Variants in CCDC61 observed in about 807,000 individuals in gnomAD.
The protein encoded by CCDC61 is coiled-coil domain containing 61.
Under a neutral mutation model 63.0 loss-of-function variants are expected in CCDC61, and 55 were observed. The observed-to-expected ratio is 0.87, with a 90% CI of 0.70 to 1.09. The LOEUF (loss-of-function observed/expected upper bound fraction) is 1.09, where lower values mean the gene tolerates loss of function less well. Among genes scored for constraint, CCDC61 ranks in the 50% least tolerant of loss-of-function variants. The pLI is 0.00. For synonymous variants in CCDC61, 270 were observed against 317.0 expected (o/e 0.85, Z 1.58); for missense variants, 651 against 731.4 (o/e 0.89, Z 1.27).
At chr19:46,006,478 C>A in intron 3 of CCDC61, 81 bp from the exon 4 acceptor site, 1 of 1,348,642 alleles carries the variant, frequency 7.4e-7, no homozygotes, top group Non-Finnish European at 9.9e-7. Flanking sequence ...ACGGGAAGGG[C>A]TGTGGCCCAG....
At chr19:46,006,858 A>G (rs1176914692) in intron 4 of CCDC61, 142 bp downstream of exon 4, 2 of 741,122 alleles carry the variant, frequency 2.7e-6, no homozygotes, top group African/African-American at 1.7e-5. Flanking sequence ...TGGGGTTTGT[A>G]TCATTTAGTA....
At position 46,016,449 on chromosome 19, in the gene CCDC61, G is replaced by T; in HGVS notation, c.1091+56G>T. The T allele has an allele frequency of 1.3e-6, 2 of 1,586,038 alleles. No homozygotes were observed. Among genetic ancestry groups the T allele is most frequent in the Non-Finnish European group, 1.7e-6 (2 of 1,158,802 alleles). On this transcript the variant is annotated intron_variant, in intron 9 of 13. Transcript: ENST00000595358. The surrounding 1 kb of genome is among the most constrained non-coding windows in gnomAD (Gnocchi z 7.2). ...TGTCCCTGGCCCGTGCCCGCTCCCG[G>T]GCTCTCATCTCTCCACGCCACCATC...
intron 1 of CCDC61, among the ~76,000 whole-genome samples, chr19:45,997,273 C>T (rs534062187): frequency 1.3e-4 from 20 of 152,332 alleles, no homozygotes; most frequent in South Asian, 1.2e-3. Context: ...TCCGCTCAGA[C>T]GTCAGCTTCA....
intron 1 of CCDC61, among the ~76,000 whole-genome samples, chr19:45,997,194 G>A (rs891268028): frequency 1.3e-5 from 2 of 152,080 alleles, no homozygotes; most frequent in African/African-American, 2.4e-5. Context: ...CTTTGTACTC[G>A]CTGTCCTGTC....
chr19:46,001,614 C>T (rs188620007), intron 1 of CCDC61, among the ~76,000 whole-genome samples: 17 of 152,346 alleles, frequency 1.1e-4, no homozygotes, highest in Admixed American at 1.1e-3. Context: ...AGGGGGTCCC[C>T]GAATTCATCA....
At chr19:46,007,141 C>T (rs1203981293) in intron 4 of CCDC61, among the ~76,000 whole-genome samples, 2 of 151,836 alleles carry the variant, frequency 1.3e-5, no homozygotes, top group African/African-American at 4.8e-5. Context: ...CTCTCCCTCC[C>T]AGGTTCAAGC....
At position 46,003,457 on chromosome 19, in the gene CCDC61, C is replaced by T. The variant is rs768308257; in HGVS notation, c.187C>T (p.Gln63Ter). The T allele has an allele frequency of 3.1e-6, 5 of 1,612,746 alleles. No individual in the cohort carries two copies. Among genetic ancestry groups the T allele is most frequent in the East Asian group, 2.2e-5 (1 of 44,812 alleles). ...DLTHKTGNFKQFNIFCHMLES... is the reference protein window; with the variant it reads ...DLTHKTGNFK ...GACTCACAAGACAGGGAACTTCAAA[C>T]AGTTCAACATCTTCTGTCATATGCT... Residue 63 changes from glutamine (Q) to a stop codon, truncating the protein, a stop_gained, in exon 3 of 14, where the codon CAG becomes TAG. Transcript: ENST00000595358. LOFTEE classifies it high-confidence loss of function.
chr19:46,013,147 T>C (rs1968860850), intron 5 of CCDC61, among the ~76,000 whole-genome samples: 1 of 152,134 alleles, frequency 6.6e-6, no homozygotes, highest in Non-Finnish European at 1.5e-5. Flanking sequence ...GCCTCCTGAG[T>C]AGCTGGGATT....
chr19:46,008,756 A>G (rs1191489424), intron 5 of CCDC61, among the ~76,000 whole-genome samples: 2 of 152,088 alleles, frequency 1.3e-5, no homozygotes, highest in Non-Finnish European at 2.9e-5. Context: ...CTGGGGACAT[A>G]GTGGTGACCA....
intron 3 of CCDC61, 183 bp downstream of exon 3, chr19:46,003,684 T>A: frequency 2.1e-6 from 1 of 487,116 alleles, no homozygotes; most frequent in East Asian, 3.2e-5. Flanking sequence ...ATAGTTATTC[T>A]CATGTAGAAA....
chr19:46,001,030 C>G (rs552513657), intron 1 of CCDC61, among the ~76,000 whole-genome samples: 1 of 146,074 alleles, frequency 6.8e-6, no homozygotes, highest in Non-Finnish European at 1.5e-5. Flanking sequence ...TGTTCAGTTC[C>G]GTGGGTGCCT....
intron 5 of CCDC61, 25 bp downstream of exon 5, chr19:46,008,326 T>TGG: frequency 4.3e-6 from 2 of 460,810 alleles, no homozygotes; most frequent in Non-Finnish European, 8.3e-6. Context: ...GGTGGGCAGC[T>TGG]GGGGCGGGTG....
Position 46,015,371 on chromosome 19 carries a change from G to C in CCDC61, c.789G>C (p.Arg263=), listed in dbSNP as rs749151157. The C allele has an allele frequency of 5.1e-5, 82 of 1,603,068 alleles. No individual in the cohort carries two copies. The highest frequency in any genetic ancestry group is 1.9e-4 in the Middle Eastern group (1 of 5,370). Residue 263 remains arginine (R), a synonymous_variant, in exon 7 of 14, where the codon CGG becomes CGC. Coordinates refer to ENST00000595358, the MANE Select transcript of CCDC61 (RefSeq NM_001267723.2). This position sits in a 1 kb window ranked among gnomAD's most constrained non-coding sequence, Gnocchi z 5.3. ...TCGAGGAGGCGAAGGCATCGGAGCG[G>C]AGCCTGCGCGCCCGGCTGAAGACGC... ...KELEEAKASE[R]SLRARLKTLT...
At chr19:46,009,774 A>G (rs570867411) in intron 5 of CCDC61, among the ~76,000 whole-genome samples, 2 of 151,872 alleles carry the variant, frequency 1.3e-5, no homozygotes, top group Non-Finnish European at 2.9e-5. Flanking sequence ...GGGGAGGCCA[A>G]AATTTATCCT....
At chr19:46,005,915 G>A (rs559737041) in intron 3 of CCDC61, among the ~76,000 whole-genome samples, 51 of 151,866 alleles carry the variant, frequency 3.4e-4, no homozygotes, top group African/African-American at 1.1e-3. Flanking sequence ...AGTACTTGAT[G>A]TGTACTTCCC....
chr19:46,014,758 G>A (rs999565543), intron 5 of CCDC61, among the ~76,000 whole-genome samples: 21 of 152,262 alleles, frequency 1.4e-4, no homozygotes, highest in African/African-American at 4.8e-4. Context: ...AACTCACATG[G>A]CTGTGTTCCC....
chr19:46,005,278 G>C (rs897904578), intron 3 of CCDC61, among the ~76,000 whole-genome samples: 44 of 151,910 alleles, frequency 2.9e-4, no homozygotes, highest in Non-Finnish European at 5.6e-4. Context: ...CCAAAGTGCT[G>C]GGATTACAGG....
chr19:46,017,614 G>T (rs1461023970), intron 12 of CCDC61, among the ~76,000 whole-genome samples: 1 of 152,086 alleles, frequency 6.6e-6, no homozygotes, highest in Non-Finnish European at 1.5e-5. Flanking sequence ...TGCCCAGGCT[G>T]GTCTGGAACT....
rs1968901320 is a variant in CCDC61 at position 46,015,149 on chromosome 19, G to T, written c.652G>T (p.Ala218Ser). ...AGRAARQEAEALRGLVRGLEL... is the reference protein window; with the variant it reads ...AGRAARQEAESLRGLVRGLEL... The stretch of plus-strand genomic sequence containing the variant: ...GCGCGCGGCACGCCAGGAGGCCGAG[G>T]CGCTGCGCGGGCTGGTGCGCGGGCT... The change falls in exon 6 of 14, where the codon GCG becomes TCG. Residue 218 changes from alanine (A) to serine (S), a missense_variant. Ala to Ser is a moderately conservative substitution (Grantham distance 99, BLOSUM62 1). Coordinates refer to ENST00000595358, the MANE Select transcript of CCDC61 (RefSeq NM_001267723.2). The surrounding 1 kb of genome is among the most constrained non-coding windows in gnomAD (Gnocchi z 5.3). The T allele has an allele frequency of 7.9e-7, 1 of 1,270,024 alleles. No individual in the cohort carries two copies. Among genetic ancestry groups the T allele is most frequent in the South Asian group, 2.8e-5 (1 of 36,240 alleles). 78.7% of individuals were successfully genotyped at this position (1,270,024 alleles called of 1,614,324 possible). A position where few individuals can be genotyped will look rare whatever the true frequency, so the allele number is the denominator to read the frequency against.
Sources: allele counts gnomAD v4.1 joint callset (sites outside exome capture counted in the v4.1 genomes callset), GRCh38; gene constraint gnomAD v4.1.1; non-coding constraint Gnocchi (gnomAD v3.1); transcripts MANE v1.5; gene names NCBI Gene and HGNC (gene_info 2026-07-23, HGNC 2026-07-21).